ERO1B: variants seen among roughly 807,000 people sequenced by gnomAD.
ERO1B encodes ERO1-like protein beta.
A neutral mutation model predicts 75.3 loss-of-function variants in ERO1B; 49 were observed. The observed-to-expected ratio is 0.65, with a 90% CI of 0.52 to 0.83. The LOEUF is 0.83. ERO1B is among the 40% of genes least tolerant of loss of function. The pLI, the probability that ERO1B is intolerant of heterozygous loss-of-function variation, is 0.00. For missense variants in ERO1B, 512 were observed against 560.1 expected (o/e 0.91, Z 0.87); for synonymous variants, 191 against 192.9 (o/e 0.99, Z 0.08).
intron 1 of ERO1B, among the ~76,000 whole-genome samples, chr1:236,274,108 C>A (rs2463186): frequency 1.6e-4 from 24 of 151,278 alleles, no homozygotes; most frequent in Non-Finnish European, 2.7e-4. Flanking sequence ...CTCAGCCTCC[C>A]GAGTAGCTGG....
intron 13 of ERO1B, among the ~76,000 whole-genome samples, chr1:236,223,316 G>A (rs995384244): frequency 7.9e-5 from 12 of 151,938 alleles, no homozygotes; most frequent in Non-Finnish European, 4.4e-5. Context: ...CTGCGGATAA[G>A]ATTGGTTAAG....
chr1:236,236,299 A>G lies in ERO1B; in HGVS notation c.605T>C (p.Ile202Thr). The change falls in exon 7 of 16, where the codon ATC becomes ACC. Residue 202 changes from isoleucine (I) to threonine (T), a missense_variant. By Grantham distance (89) the Ile-to-Thr change is moderately conservative. Coordinates refer to ENST00000354619, the MANE Select transcript of ERO1B (RefSeq NM_019891.4). ...GTSAWRVWNS[I>T]YEENCFKPRS... is the part of the protein sequence containing the mutation. ...TTACTTGAAACAGTTCTCTTCATAGATGCTGTTCCACACTCTCCATGCAGA... is the reference window on the plus strand; with the variant it reads ...TTACTTGAAACAGTTCTCTTCATAGGTGCTGTTCCACACTCTCCATGCAGA... The G allele has an allele frequency of 6.2e-7, 1 of 1,613,802 alleles. No individual in the cohort carries two copies.
intron 2 of ERO1B, among the ~76,000 whole-genome samples, chr1:236,256,728 C>A (rs1183263341): frequency 6.6e-6 from 1 of 152,006 alleles, no homozygotes; most frequent in Non-Finnish European, 1.5e-5. Flanking sequence ...CTTCAACTCT[C>A]CATGAAAATA....
chr1:236,255,732 A>C (rs1665145255), intron 2 of ERO1B, among the ~76,000 whole-genome samples: 1 of 152,132 alleles, frequency 6.6e-6, no homozygotes, highest in Non-Finnish European at 1.5e-5. Flanking sequence ...AAGAACCTTA[A>C]AACAGCATGG....
chr1:236,247,901 C>T (rs35056839), intron 5 of ERO1B, among the ~76,000 whole-genome samples: 47 of 148,732 alleles, frequency 3.2e-4, no homozygotes, highest in Non-Finnish European at 5.2e-4. Flanking sequence ...TCACCTTCTT[C>T]GGCAATTTGT....
intron 7 of ERO1B, 22 bp downstream of exon 7, chr1:236,236,256 T>G (rs1664543701): frequency 6.2e-7 from 1 of 1,612,636 alleles, no homozygotes; most frequent in South Asian, 1.1e-5. Flanking sequence ...TCGTTCCTTC[T>G]TCCCCCACCC....
chr1:236,275,445 T>A (rs748673689), intron 1 of ERO1B, among the ~76,000 whole-genome samples: 2 of 152,214 alleles, frequency 1.3e-5, no homozygotes, highest in Admixed American at 1.3e-4. Flanking sequence ...AGAGATGCAT[T>A]GGGCAAGCTA....
chr1:236,274,687 A>G (rs577692659), intron 1 of ERO1B, among the ~76,000 whole-genome samples: 1 of 152,224 alleles, frequency 6.6e-6, no homozygotes, highest in East Asian at 1.9e-4. Flanking sequence ...CAGCCTATTT[A>G]CTGAGGCCCA....
At chr1:236,250,234 C>A (rs1047469264) in intron 4 of ERO1B, among the ~76,000 whole-genome samples, 1 of 152,012 alleles carries the variant, frequency 6.6e-6, no homozygotes, top group East Asian at 1.9e-4. Context: ...CTTTGGGAGG[C>A]CAAGGCGGGC....
In ERO1B at chr1:236,216,510, AAATT is replaced by A. The variant is rs1481891515; in HGVS notation, c.*2002_*2005del. 9 of 152,262 alleles carry A rather than the reference AAATT, an allele frequency of 5.9e-5. No homozygotes were observed. Among genetic ancestry groups the A allele is most frequent in the African/African-American group, 1.7e-4 (7 of 41,570 alleles). 9.4% of individuals were successfully genotyped at this position (152,262 alleles called of 1,614,324 possible). A position where few individuals can be genotyped will look rare whatever the true frequency, so the allele number is the denominator to read the frequency against. On this transcript the variant is annotated 3_prime_UTR_variant, in exon 16 of 16. Transcript: ENST00000354619. ...TTCATTTATTTTCTTAGTTGTGAAA[AAATT>A]AGTTAAGAACCTTAAAAAGAACTTT...
At chr1:236,222,056 G>T in intron 13 of ERO1B, 46 bp from the exon 14 acceptor site, 1 of 1,453,538 alleles carries the variant, frequency 6.9e-7, no homozygotes, top group South Asian at 1.2e-5. Flanking sequence ...TTTTAAAATT[G>T]AACCGCATTT....
At chr1:236,221,834 G>A (rs1664152352) in intron 14 of ERO1B, 90 bp downstream of exon 14, 2 of 969,302 alleles carry the variant, frequency 2.1e-6, no homozygotes, top group Non-Finnish European at 3.2e-6. Context: ...CTAATTCAAT[G>A]AACAATGAGG....
rs1054622715 is a variant in ERO1B at position 236,216,130 on chromosome 1, T to G, written c.*2386A>C. On this transcript the variant is annotated 3_prime_UTR_variant, in exon 16 of 16. Transcript: ENST00000354619. ...GATGCCACTTAAGTAAAAAATAAACTTACGCCATTGAAGGAAGGAATATTT... is the reference window on the plus strand; with the variant it reads ...GATGCCACTTAAGTAAAAAATAAACGTACGCCATTGAAGGAAGGAATATTT... The G allele has an allele frequency of 2.0e-5, 3 of 152,136 alleles. No individual in the cohort carries two copies. Among genetic ancestry groups the G allele is most frequent in the Admixed American group, 2.0e-4 (3 of 15,272 alleles). 9.4% of individuals were successfully genotyped at this position (152,136 alleles called of 1,614,324 possible).
intron 4 of ERO1B, among the ~76,000 whole-genome samples, chr1:236,251,050 T>C (rs878930439): frequency 2.6e-5 from 4 of 152,130 alleles, no homozygotes; most frequent in Admixed American, 6.5e-5. Flanking sequence ...ATGGCTAATA[T>C]GTGTTATAGT....
intron 6 of ERO1B, among the ~76,000 whole-genome samples, chr1:236,236,679 G>A (rs1296460189): frequency 6.6e-6 from 1 of 152,130 alleles, no homozygotes; most frequent in East Asian, 1.9e-4. Context: ...CACCTTATTA[G>A]AGACATGAAT....
chr1:236,215,734 TG>T lies in ERO1B; in HGVS notation c.*2781del, dbSNP rs5781865. ...TTTCCACGATACCATGCACCTAATC[TG>T]TGTATTTTGGTGAGTAGCTATGGTT... is the stretch of plus-strand genomic sequence containing the variant. On this transcript the variant is annotated 3_prime_UTR_variant, in exon 16 of 16. Transcript: ENST00000354619. 0.26 allele frequency: 38,839 copies of T among 151,990 alleles called. 5,508 individuals carry two copies. Among genetic ancestry groups the T allele is most frequent in the East Asian group, 0.61 (3,141 of 5,172 alleles). 9.4% of individuals were successfully genotyped at this position (151,990 alleles called of 1,614,324 possible).
chr1:236,248,042 T>C (rs568348065), intron 5 of ERO1B, among the ~76,000 whole-genome samples: 2 of 152,340 alleles, frequency 1.3e-5, no homozygotes, highest in East Asian at 3.9e-4. Context: ...ATTTCTCATA[T>C]ATTTTACTTG....
chr1:236,261,132 C>T (rs1463567473), intron 2 of ERO1B, among the ~76,000 whole-genome samples: 1 of 152,052 alleles, frequency 6.6e-6, no homozygotes, highest in Non-Finnish European at 1.5e-5. Context: ...AAAACTACCC[C>T]TGAAAAATAA....
intron 14 of ERO1B, 102 bp from the exon 15 acceptor site, chr1:236,221,067 C>CTTTT: frequency 1.1e-6 from 1 of 884,578 alleles, no homozygotes; most frequent in Non-Finnish European, 1.6e-6. Flanking sequence ...TTAGGAAATT[C>CTTTT]ATATGAACTG....
Sources: allele counts gnomAD v4.1 joint callset (sites outside exome capture counted in the v4.1 genomes callset), GRCh38; gene constraint gnomAD v4.1.1; transcripts MANE v1.5; gene names NCBI Gene and HGNC (gene_info 2026-07-23, HGNC 2026-07-21).